The following SMARCC1 variants were observed in gnomAD, a reference collection of about 807,000 sequenced individuals.
SMARCC1 encodes the protein SWI/SNF related BAF chromatin remodeling complex subunit C1.
In SMARCC1, 43 loss-of-function variants were observed where a neutral mutation model predicts 147.4. The ratio of observed to expected loss-of-function variants is 0.29; its 90% CI spans 0.23 to 0.38. The LOEUF (loss-of-function observed/expected upper bound fraction) is 0.38, where lower values mean the gene tolerates loss of function less well. Among genes scored for constraint, SMARCC1 ranks in the 10% least tolerant of loss-of-function variants. The pLI is 1.00. For synonymous variants in SMARCC1, 495 were observed against 484.4 expected (o/e 1.02, Z -0.29); for missense variants, 1,119 against 1,381.1 (o/e 0.81, Z 3.01).
intron 26 of SMARCC1, among the ~76,000 whole-genome samples, chr3:47,594,909 C>T (rs999345259): frequency 2.0e-5 from 3 of 152,222 alleles, no homozygotes; most frequent in Admixed American, 1.3e-4. Flanking sequence ...TTGATAAGAT[C>T]TGCATACCTA....
chr3:47,736,537 G>C (rs1020103011), intron 4 of SMARCC1, among the ~76,000 whole-genome samples: 1 of 151,810 alleles, frequency 6.6e-6, no homozygotes, highest in Non-Finnish European at 1.5e-5. Flanking sequence ...TTAGCCAGGC[G>C]TGGTGGTGGG....
chr3:47,678,134 A>G (rs906720306), intron 16 of SMARCC1, 64 bp downstream of exon 16: 3 of 917,038 alleles, frequency 3.3e-6, no homozygotes, highest in Non-Finnish European at 5.1e-6. Context: ...TCAAGCAAAC[A>G]TTAGACAGCA....
At chr3:47,761,057 C>T (rs904700764) in intron 2 of SMARCC1, among the ~76,000 whole-genome samples, 1 of 151,908 alleles carries the variant, frequency 6.6e-6, no homozygotes, top group South Asian at 2.1e-4. Flanking sequence ...GGCTTGAACC[C>T]GGGAAGGGGA....
At chr3:47,598,569 C>T (rs185028843) in intron 26 of SMARCC1, among the ~76,000 whole-genome samples, 1 of 152,162 alleles carries the variant, frequency 6.6e-6, no homozygotes. Context: ...GTGGCTCATG[C>T]CTGTAATCCC....
chr3:47,719,427 G>A (rs1419171115), intron 7 of SMARCC1, among the ~76,000 whole-genome samples: 3 of 151,962 alleles, frequency 2.0e-5, no homozygotes, highest in East Asian at 1.9e-4. Context: ...CAGGCTGGAC[G>A]CGGTGGCTCA....
At chr3:47,760,315 A>T (rs532658992) in intron 2 of SMARCC1, among the ~76,000 whole-genome samples, 5 of 152,244 alleles carry the variant, frequency 3.3e-5, no homozygotes, top group African/African-American at 1.2e-4. Context: ...GTCTCAAAAA[A>T]ATTAAAAAAA....
chr3:47,678,093 G>C (rs2033596014), intron 16 of SMARCC1, 105 bp downstream of exon 16: 6 of 507,270 alleles, frequency 1.2e-5, no homozygotes, highest in Admixed American at 3.2e-5. Flanking sequence ...CTAAAATTAG[G>C]TGTTTTACCC....
chr3:47,649,333 G>A (rs2033157813), intron 21 of SMARCC1, among the ~76,000 whole-genome samples: 1 of 152,216 alleles, frequency 6.6e-6, no homozygotes, highest in South Asian at 2.1e-4. Context: ...AGCATCTGAG[G>A]CGAGAATTCT....
chr3:47,662,770 A>G (rs2033364479), intron 19 of SMARCC1, among the ~76,000 whole-genome samples, 178 bp from the exon 20 acceptor site: 1 of 152,048 alleles, frequency 6.6e-6, no homozygotes, highest in South Asian at 2.1e-4. Flanking sequence ...AATAAAAGAC[A>G]TGCATACTGT....
chr3:47,688,168 G>C (rs1282374246), intron 13 of SMARCC1, among the ~76,000 whole-genome samples: 1 of 152,118 alleles, frequency 6.6e-6, no homozygotes, highest in Non-Finnish European at 1.5e-5. Flanking sequence ...GCTGAGGCAG[G>C]AGAATCGCTA....
At chr3:47,688,050 G>A (rs1323309986) in intron 13 of SMARCC1, among the ~76,000 whole-genome samples, 5 of 151,988 alleles carry the variant, frequency 3.3e-5, no homozygotes, top group African/African-American at 4.8e-5. Flanking sequence ...ACCTAAGGTC[G>A]GGAGTTCGAG....
chr3:47,780,168 G>GTT (rs10662354), intron 1 of SMARCC1, among the ~76,000 whole-genome samples: 27,408 of 63,228 alleles, frequency 0.43, 4,142 homozygotes, highest in Non-Finnish European at 0.46. Flanking sequence ...GTTTTTTTTT[G>GTT]TTTTTTTTTT....
intron 26 of SMARCC1, among the ~76,000 whole-genome samples, chr3:47,591,198 G>A (rs933381502): frequency 2.0e-5 from 3 of 152,170 alleles, no homozygotes; most frequent in African/African-American, 7.2e-5. Context: ...ACAGCCCACA[G>A]GGAATGAAGT....
intron 21 of SMARCC1, among the ~76,000 whole-genome samples, chr3:47,651,572 C>G (rs1488056786): frequency 6.6e-6 from 1 of 152,184 alleles, no homozygotes; most frequent in Non-Finnish European, 1.5e-5. Flanking sequence ...GCCTACATAG[C>G]AGTCTTGCTC....
chr3:47,632,361 C>T (rs1042205992), intron 24 of SMARCC1, among the ~76,000 whole-genome samples: 1 of 151,962 alleles, frequency 6.6e-6, no homozygotes, highest in Non-Finnish European at 1.5e-5. Context: ...TGGTCCTGAA[C>T]TCCTGAGCAA....
intron 11 of SMARCC1, among the ~76,000 whole-genome samples, chr3:47,696,896 C>T (rs972746019): frequency 1.3e-5 from 2 of 152,142 alleles, no homozygotes; most frequent in Non-Finnish European, 2.9e-5. Flanking sequence ...GGTCTCACTC[C>T]TTAGCCCAGG....
chr3:47,591,973 A>G (rs1032447416), intron 26 of SMARCC1, among the ~76,000 whole-genome samples: 3 of 152,218 alleles, frequency 2.0e-5, no homozygotes, highest in African/African-American at 7.2e-5. Context: ...TTTTCTTTAA[A>G]TCCAGGGGCT....
At chr3:47,609,196 T>C (rs1023485773) in intron 26 of SMARCC1, among the ~76,000 whole-genome samples, 2 of 152,148 alleles carry the variant, frequency 1.3e-5, no homozygotes, top group African/African-American at 2.4e-5. Context: ...ATGATAGTTA[T>C]GTAAAGAATA....
At chr3:47,775,965 T>C (rs374219523) in intron 1 of SMARCC1, among the ~76,000 whole-genome samples, 7 of 149,152 alleles carry the variant, frequency 4.7e-5, no homozygotes, top group South Asian at 2.1e-4. Flanking sequence ...CTGGCCAACA[T>C]AGTGAAACCC....
Sources: gnomAD v4.1 joint callset for allele counts (sites outside exome capture counted in the v4.1 genomes callset) on GRCh38, gnomAD v4.1.1 for gene constraint, MANE v1.5 for transcripts, NCBI Gene and HGNC (gene_info 2026-07-23, HGNC 2026-07-21) for gene names.